The following CRADD variants were observed in gnomAD, a reference collection of about 807,000 sequenced individuals.
The protein encoded by CRADD is CARD and death domain containing adaptor protein.
A neutral mutation model predicts 15.5 loss-of-function variants in CRADD; 9 were observed. The observed-to-expected ratio is 0.58, with a 90% CI of 0.35 to 1.01. The LOEUF (loss-of-function observed/expected upper bound fraction) is 1.01. Ranked by LOEUF, CRADD falls within the 50% of genes least tolerant of loss-of-function variation. The pLI is 0.02. For synonymous variants in CRADD, 118 were observed against 107.6 expected, an observed-to-expected ratio of 1.10 and a Z score of -0.60; for missense variants, 227 against 250.3, an observed-to-expected ratio of 0.91 and a Z score of 0.63.
At chr12:93,890,473 ATTGT>A (rs1198936783) in intron 2 of CRADD, among the ~76,000 whole-genome samples, 1 of 152,176 alleles carries the variant, frequency 6.6e-6, no homozygotes, top group East Asian at 1.9e-4. Context: ...AATGAAAAAC[ATTGT>A]TTGAGCTCAA....
In CRADD at chr12:93,678,885, G is replaced by A. The variant is rs1015487332; in HGVS notation, c.111G>A (p.Thr37=). The A allele has an allele frequency of 1.1e-5, 18 of 1,614,030 alleles. No individual in the cohort carries two copies. The highest frequency in any genetic ancestry group is 2.7e-5 in the African/African-American group (2 of 74,902). Residue 37 remains threonine, a synonymous_variant, in exon 2 of 3, where the codon ACG becomes ACA. Transcript: ENST00000332896. ...LQYLYQEGIL[T]ENHIQEINAQ... is the part of the protein sequence containing the mutation. ...ACCTCTACCAGGAAGGAATCTTGAC[G>A]GAAAACCATATTCAAGAAATCAATG... is the stretch of plus-strand genomic sequence containing the variant.
intron 2 of CRADD, among the ~76,000 whole-genome samples, chr12:93,712,088 C>A (rs1374116451): frequency 6.6e-6 from 1 of 152,134 alleles, no homozygotes; most frequent in Non-Finnish European, 1.5e-5. Flanking sequence ...TAGACACTCG[C>A]CCTCTCACAG....
intron 2 of CRADD, among the ~76,000 whole-genome samples, chr12:93,746,805 G>T (rs976383229): frequency 6.6e-6 from 1 of 151,152 alleles, no homozygotes; most frequent in Non-Finnish European, 1.5e-5. Context: ...TTTGAAGAAG[G>T]AAAGAAGGAT....
intron 2 of CRADD, among the ~76,000 whole-genome samples, chr12:93,698,801 G>C (rs1006436482): frequency 6.6e-6 from 1 of 152,194 alleles, no homozygotes; most frequent in Non-Finnish European, 1.5e-5. Context: ...AAGATTACAT[G>C]ATGTTTGAAA....
chr12:93,876,933 G>T (rs915743485), intron 2 of CRADD, among the ~76,000 whole-genome samples: 1 of 152,154 alleles, frequency 6.6e-6, no homozygotes, highest in Admixed American at 6.5e-5. Context: ...AGTCCTCACT[G>T]TCTGGGCTTA....
intron 2 of CRADD, among the ~76,000 whole-genome samples, chr12:93,871,521 A>C (rs1181800380): frequency 2.0e-5 from 3 of 152,022 alleles, no homozygotes; most frequent in Non-Finnish European, 4.4e-5. Context: ...TCTAACTGTT[A>C]TTTTTGTGTC....
intron 2 of CRADD, among the ~76,000 whole-genome samples, chr12:93,786,794 A>G (rs12302793): frequency 0.038 from 5,788 of 152,256 alleles, 273 homozygotes; most frequent in East Asian, 0.19. Flanking sequence ...CCTTAGGACA[A>G]AAGTCTAGTG....
At position 93,850,621 on chromosome 12, in the gene CRADD, C is replaced by A. The variant is rs981413458; in HGVS notation, c.*350C>A. On this transcript the variant is annotated 3_prime_UTR_variant, in exon 3 of 3. Coordinates refer to ENST00000332896, the MANE Select transcript of CRADD (RefSeq NM_003805.5). This position sits in a 1 kb window ranked among gnomAD's most constrained non-coding sequence, Gnocchi z 4.0. The stretch of plus-strand genomic sequence containing the variant: ...TCCATATATATATCTCATGTCATCA[C>A]ATTACAGGCAGGTGTCTCATATGTA... The A allele has an allele frequency of 6.5e-6, 6 of 928,772 alleles. No homozygotes were observed. The highest frequency in any genetic ancestry group is 7.7e-6 in the Non-Finnish European group (6 of 777,270). 57.5% of individuals were successfully genotyped at this position (928,772 alleles called of 1,614,324 possible).
chr12:93,825,892 C>T (rs571957220), intron 2 of CRADD, among the ~76,000 whole-genome samples: 4 of 152,292 alleles, frequency 2.6e-5, no homozygotes, highest in African/African-American at 9.6e-5. Flanking sequence ...TTTGTCTTCC[C>T]CATTAATACA....
At chr12:93,810,228 A>G (rs1249110981) in intron 2 of CRADD, among the ~76,000 whole-genome samples, 1 of 152,150 alleles carries the variant, frequency 6.6e-6, no homozygotes, top group Non-Finnish European at 1.5e-5. Flanking sequence ...AGAAGACAGG[A>G]AGAGAAAGAA....
chr12:93,748,325 G>C (rs1956787969), intron 2 of CRADD, among the ~76,000 whole-genome samples: 2 of 152,092 alleles, frequency 1.3e-5, no homozygotes, highest in East Asian at 3.9e-4. Flanking sequence ...TTTTATTTGA[G>C]ATGGAGTTTC....
chr12:93,693,815 T>C (rs1955633301), intron 2 of CRADD, among the ~76,000 whole-genome samples: 1 of 152,052 alleles, frequency 6.6e-6, no homozygotes, highest in Non-Finnish European at 1.5e-5. Flanking sequence ...AGCTTAGTAA[T>C]GTATAAGGAT....
At chr12:93,840,371 G>A (rs1411925296) in intron 2 of CRADD, among the ~76,000 whole-genome samples, 1 of 152,098 alleles carries the variant, frequency 6.6e-6, no homozygotes, top group African/African-American at 2.4e-5. Context: ...TTGTAAGAGT[G>A]TTGAAATGCT....
intron 2 of CRADD, among the ~76,000 whole-genome samples, chr12:93,763,791 G>A (rs905544431): frequency 3.9e-5 from 6 of 152,182 alleles, no homozygotes; most frequent in Non-Finnish European, 8.8e-5. Flanking sequence ...GGCAGAAGGG[G>A]ACTCCAGGGT....
intron 2 of CRADD, among the ~76,000 whole-genome samples, chr12:93,877,041 AGTAACACT>A (rs55643908): frequency 0.35 from 52,487 of 151,700 alleles, 10,595 homozygotes; most frequent in Middle Eastern, 0.47. Context: ...CCCCAAGCCC[AGTAACACT>A]GTGGTTCTTG....
intron 2 of CRADD, among the ~76,000 whole-genome samples, chr12:93,774,445 C>T (rs1474410389): frequency 6.6e-6 from 1 of 152,110 alleles, no homozygotes; most frequent in Non-Finnish European, 1.5e-5. Flanking sequence ...AGGACCAGAA[C>T]TTGAACCCAC....
chr12:93,722,575 C>G (rs1273972997), intron 2 of CRADD, among the ~76,000 whole-genome samples: 5 of 152,056 alleles, frequency 3.3e-5, no homozygotes, highest in Non-Finnish European at 7.4e-5. Context: ...TTGATACATT[C>G]TTAAGCTCAG....
chr12:93,700,640 C>A (rs1955822217), intron 2 of CRADD, among the ~76,000 whole-genome samples: 2 of 152,130 alleles, frequency 1.3e-5, no homozygotes, highest in Non-Finnish European at 1.5e-5. Flanking sequence ...CCTTGTTAGC[C>A]AGGCTGGTCT....
At chr12:93,880,078 C>CGTG (rs1958486034) in intron 2 of CRADD, among the ~76,000 whole-genome samples, 1 of 152,136 alleles carries the variant, frequency 6.6e-6, no homozygotes, top group Admixed American at 6.5e-5. Flanking sequence ...TAGGCCCCTC[C>CGTG]TTCACTGTGG....
Sources: gnomAD v4.1 joint callset for allele counts (sites outside exome capture counted in the v4.1 genomes callset) on GRCh38, gnomAD v4.1.1 for gene constraint, Gnocchi (gnomAD v3.1) non-coding constraint, MANE v1.5 for transcripts, NCBI Gene and HGNC (gene_info 2026-07-23, HGNC 2026-07-21) for gene names.